The following CAB39L variants were observed in gnomAD, a reference collection of about 807,000 sequenced individuals.
CAB39L encodes calcium-binding protein 39-like.
Under a neutral mutation model 39.1 loss-of-function variants are expected in CAB39L, and 23 were observed. The observed-to-expected ratio is 0.59, with a 90% confidence interval of 0.42 to 0.83. The LOEUF (loss-of-function observed/expected upper bound fraction) is 0.83. Ranked by LOEUF, CAB39L falls within the 40% of genes least tolerant of loss-of-function variation. The pLI, the probability that CAB39L is intolerant of heterozygous loss-of-function variation, is 0.00. For missense variants in CAB39L, 366 were observed against 391.9 expected, an observed-to-expected ratio of 0.93 and a Z score of 0.56; for synonymous variants, 126 against 137.2, an observed-to-expected ratio of 0.92 and a Z score of 0.57.
At chr13:49,318,119 A>C (rs1954217438) in intron 10 of CAB39L, among the ~76,000 whole-genome samples, 1 of 152,022 alleles carries the variant, frequency 6.6e-6, no homozygotes, top group Non-Finnish European at 1.5e-5. Context: ...AAAAAACAAA[A>C]ACAAAAAACT....
At chr13:49,376,235 T>C (rs1956056099) in intron 5 of CAB39L, among the ~76,000 whole-genome samples, 1 of 152,154 alleles carries the variant, frequency 6.6e-6, no homozygotes, top group Admixed American at 6.5e-5. Flanking sequence ...CGAACAAAAT[T>C]CGTATTATGA....
intron 3 of CAB39L, among the ~76,000 whole-genome samples, chr13:49,424,046 A>G (rs957093741): frequency 1.3e-5 from 2 of 152,232 alleles, no homozygotes; most frequent in Non-Finnish European, 2.9e-5. Context: ...ATAATAAATA[A>G]ACGGGAGAGA....
intron 8 of CAB39L, among the ~76,000 whole-genome samples, chr13:49,341,872 A>G (rs75232432): frequency 1.3e-5 from 2 of 152,178 alleles, no homozygotes; most frequent in Non-Finnish European, 2.9e-5. Flanking sequence ...TTTTGTATCA[A>G]TTTAAAAAAT....
intron 9 of CAB39L, among the ~76,000 whole-genome samples, chr13:49,337,077 C>A (rs1345624752): frequency 1.3e-5 from 2 of 152,122 alleles, no homozygotes; most frequent in African/African-American, 4.8e-5. Context: ...ATAAAGGAAA[C>A]CAGGTCATGG....
At position 49,375,678 on chromosome 13, in the gene CAB39L, G is replaced by T. The variant is rs560614285; in HGVS notation, c.276+1289C>A. The stretch of plus-strand genomic sequence containing the variant: ...GGGGGAGCGGGGAGGGATAGCATAA[G>T]GAGATATACCTAATGTAAATGACGA... On this transcript the variant is annotated intron_variant, in intron 5 of 10. Coordinates refer to ENST00000409308, the MANE Select transcript of CAB39L (RefSeq NM_001079670.3). Among the ~76,000 whole-genome samples the T allele has an allele frequency of 7.9e-5, 12 of 152,102 alleles. No individual in the cohort carries two copies. The East Asian group carries it at 2.3e-3, about 29-fold the overall frequency.
intron 5 of CAB39L, among the ~76,000 whole-genome samples, chr13:49,367,821 T>C (rs1468399357): frequency 2.0e-5 from 3 of 151,890 alleles, no homozygotes; most frequent in Non-Finnish European, 4.4e-5. Context: ...GGGAGGCTTA[T>C]GTGGGAGGAT....
intron 9 of CAB39L, among the ~76,000 whole-genome samples, chr13:49,332,506 G>C (rs536546463): frequency 6.6e-6 from 1 of 152,140 alleles, no homozygotes; most frequent in East Asian, 1.9e-4. Context: ...TCACTATTAA[G>C]ACAGTTTGTT....
chr13:49,426,825 AT>A (rs1172560854), intron 3 of CAB39L, among the ~76,000 whole-genome samples: 1 of 152,186 alleles, frequency 6.6e-6, no homozygotes, highest in Non-Finnish European at 1.5e-5. Context: ...GCACTGCAGC[AT>A]TACTATACGT....
chr13:49,319,038 G>T (rs1218178193), intron 10 of CAB39L, among the ~76,000 whole-genome samples: 1 of 152,060 alleles, frequency 6.6e-6, no homozygotes, highest in African/African-American at 2.4e-5. Flanking sequence ...GAGGTCAGGG[G>T]TTCATGACCA....
chr13:49,426,155 T>C (rs181666204), intron 3 of CAB39L, among the ~76,000 whole-genome samples: 2 of 152,338 alleles, frequency 1.3e-5, no homozygotes, highest in Admixed American at 1.3e-4. Context: ...CTGAAATGGC[T>C]GCAGGATAAG....
chr13:49,427,841 A>C (rs1320756680), intron 3 of CAB39L, among the ~76,000 whole-genome samples: 1 of 152,218 alleles, frequency 6.6e-6, no homozygotes, highest in Non-Finnish European at 1.5e-5. Flanking sequence ...TTCAGGGTCC[A>C]GTGAGGGCCC....
chr13:49,410,599 A>G (rs1956971863), intron 3 of CAB39L, among the ~76,000 whole-genome samples: 1 of 152,256 alleles, frequency 6.6e-6, no homozygotes, highest in Admixed American at 6.5e-5. Context: ...AAGCAGGCTG[A>G]GTGAAGGGAC....
At chr13:49,315,601 A>C (rs992378931) in intron 10 of CAB39L, among the ~76,000 whole-genome samples, 6 of 152,214 alleles carry the variant, frequency 3.9e-5, no homozygotes, top group African/African-American at 1.4e-4. Context: ...AAAAAGAAAG[A>C]TCTGGACTGG....
At chr13:49,429,664 C>G (rs550006062) in intron 3 of CAB39L, among the ~76,000 whole-genome samples, 1 of 152,150 alleles carries the variant, frequency 6.6e-6, no homozygotes, top group African/African-American at 2.4e-5. Flanking sequence ...AAAGATGCTA[C>G]CAGCATGAGT....
chr13:49,316,546 A>G (rs1187796504), intron 10 of CAB39L, among the ~76,000 whole-genome samples: 1 of 152,236 alleles, frequency 6.6e-6, no homozygotes, highest in African/African-American at 2.4e-5. Context: ...AGTATTCTCT[A>G]TGAATAAAAA....
At chr13:49,311,064 C>T in intron 10 of CAB39L, 71 bp from the exon 11 acceptor site, 1 of 1,400,040 alleles carries the variant, frequency 7.1e-7, no homozygotes, top group Non-Finnish European at 9.9e-7. Context: ...CAGTGCAGGC[C>T]AGGGACCTCA....
intron 1 of CAB39L, among the ~76,000 whole-genome samples, chr13:49,442,552 G>A (rs1309557718): frequency 6.6e-6 from 1 of 152,074 alleles, no homozygotes; most frequent in East Asian, 1.9e-4. Flanking sequence ...AGCACTTTGG[G>A]AGGTGGAGGC....
At chr13:49,344,588 C>G (rs1429950350) in intron 7 of CAB39L, among the ~76,000 whole-genome samples, 1 of 144,368 alleles carries the variant, frequency 6.9e-6, no homozygotes, top group African/African-American at 2.6e-5. Context: ...GTGGCATGAT[C>G]TCAGCTCACT....
chr13:49,420,357 T>A (rs987154102), intron 3 of CAB39L: 9 of 152,256 alleles, frequency 5.9e-5, no homozygotes, highest in Admixed American at 2.0e-4. Context: ...TGTTCCCAAA[T>A]CTACTCCTCT....
Sources: allele counts gnomAD v4.1 joint callset (sites outside exome capture counted in the v4.1 genomes callset), GRCh38; gene constraint gnomAD v4.1.1; transcripts MANE v1.5; gene names NCBI Gene and HGNC (gene_info 2026-07-23, HGNC 2026-07-21).